Variants in LRP1B observed in about 807,000 individuals in gnomAD.
LRP1B encodes the protein LDL receptor related protein 1B, also known as low-density lipoprotein receptor-related protein 1B.
In LRP1B, 217 loss-of-function variants were observed where a neutral mutation model predicts 556.6. The ratio of observed to expected loss-of-function variants is 0.39; its 90% CI spans 0.35 to 0.44. The LOEUF (loss-of-function observed/expected upper bound fraction) is 0.44. Ranked by LOEUF, LRP1B falls within the 20% of genes least tolerant of loss-of-function variation. LRP1B has a pLI of 1.00. For missense variants in LRP1B, 5,053 were observed against 5,620.8 expected, an observed-to-expected ratio of 0.90 and a Z score of 3.23; for synonymous variants, 2,047 against 1,865.8, an observed-to-expected ratio of 1.10 and a Z score of -2.50.
At chr2:141,569,817 TTGAAGGACATGTGAGA>T (rs1686464570) in intron 2 of LRP1B, among the ~76,000 whole-genome samples, 1 of 151,226 alleles carries the variant, frequency 6.6e-6, no homozygotes, top group Non-Finnish European at 1.5e-5. Context: ...AAGGGCTACT[TTGAAGGACATGTGAGA>T]TGAAGGCACA....
At chr2:140,778,531 A>G (rs1689578952) in intron 32 of LRP1B, among the ~76,000 whole-genome samples, 1 of 152,134 alleles carries the variant, frequency 6.6e-6, no homozygotes, top group Admixed American at 6.6e-5. Flanking sequence ...CTACACTGGG[A>G]AGATATACAT....
chr2:141,123,284 T>C (rs1701114545), intron 7 of LRP1B, among the ~76,000 whole-genome samples: 5 of 151,452 alleles, frequency 3.3e-5, no homozygotes. Context: ...AAGTAAATCC[T>C]TAAAACAACA....
chr2:141,982,184 C>T (rs1040428160), intron 1 of LRP1B, among the ~76,000 whole-genome samples: 4 of 152,128 alleles, frequency 2.6e-5, no homozygotes, highest in Admixed American at 6.6e-5. Flanking sequence ...TACAGTTCTC[C>T]GTAGGTGGGT....
At chr2:140,805,003 A>G (rs568567676) in intron 32 of LRP1B, among the ~76,000 whole-genome samples, 2 of 152,170 alleles carry the variant, frequency 1.3e-5, no homozygotes, top group African/African-American at 4.8e-5. Flanking sequence ...ATGTTTGCTA[A>G]AGCCTTTCAA....
chr2:140,444,743 G>A (rs1241186842), intron 63 of LRP1B, 64 bp from the exon 64 acceptor site: 1 of 931,714 alleles, frequency 1.1e-6, no homozygotes, highest in Non-Finnish European at 1.7e-6. Context: ...TAAACATAGA[G>A]TTTCTGACAT....
intron 35 of LRP1B, among the ~76,000 whole-genome samples, chr2:140,745,913 A>G (rs1688298027): frequency 6.6e-6 from 1 of 152,202 alleles, no homozygotes. Flanking sequence ...ACAATATGGT[A>G]AGGCGGAAAG....
chr2:141,509,877 T>A (rs1684059589), intron 2 of LRP1B, among the ~76,000 whole-genome samples: 1 of 152,164 alleles, frequency 6.6e-6, no homozygotes, highest in South Asian at 2.1e-4. Context: ...GGAACTGCAC[T>A]GTATTAGACT....
At chr2:140,375,362 C>G (rs1161969152) in intron 68 of LRP1B, among the ~76,000 whole-genome samples, 1 of 152,038 alleles carries the variant, frequency 6.6e-6, no homozygotes, top group African/African-American at 2.4e-5. Context: ...TTTTCTCACA[C>G]TTAAAATTAG....
chr2:140,750,201 T>A lies in LRP1B; in HGVS notation c.5758+19012A>T, dbSNP rs145374082. Among the ~76,000 whole-genome samples the A allele has an allele frequency of 1.6e-4, 25 of 152,278 alleles. No individual in the cohort carries two copies. The East Asian group carries it at 3.3e-3, about 20-fold the overall frequency. On this transcript the variant is annotated intron_variant, in intron 35 of 90. Coordinates refer to ENST00000389484, the MANE Select transcript of LRP1B (RefSeq NM_018557.3). ...GTCCATCCTTGACCCTAATGCCTCA[T>A]CTAATACTGACTAGTGAATAAGAAT...
chr2:140,882,998 T>G (rs190807250), intron 25 of LRP1B, among the ~76,000 whole-genome samples: 44 of 152,314 alleles, frequency 2.9e-4, no homozygotes, highest in Middle Eastern at 3.4e-3. Flanking sequence ...CAAAGCATTC[T>G]CACCTATCAG....
chr2:140,335,512 T>C lies in LRP1B; in HGVS notation c.12116+103A>G, dbSNP rs1187730079. Reference sequence around the variant, plus strand: ...AAGGATATTTAAAAGCATGTGACACTATTACACATTGAACACTCATTACAG... The same window carrying C: ...AAGGATATTTAAAAGCATGTGACACCATTACACATTGAACACTCATTACAG... On this transcript the variant is annotated intron_variant, in intron 78 of 90. Transcript: ENST00000389484. The C allele has an allele frequency of 6.9e-6, 5 of 726,300 alleles. No individual in the cohort carries two copies. The East Asian group carries it at 7.5e-5, about 11-fold the overall frequency. 45.0% of individuals were successfully genotyped at this position (726,300 alleles called of 1,614,324 possible).
Position 141,700,544 on chromosome 2 carries a change from C to T in LRP1B, c.205+109735G>A, listed in dbSNP as rs186768645. Among the ~76,000 whole-genome samples, 331 of 151,808 alleles carry T rather than the reference C, an allele frequency of 2.2e-3. 1 individual carries two copies. The highest frequency in any genetic ancestry group is 7.7e-3 in the African/African-American group (321 of 41,484). The stretch of plus-strand genomic sequence containing the variant: ...AAATTATTATGTGCACACCTCTGGG[C>T]CTCAGAAAACAATAGCCCAAAGTGA... On this transcript the variant is annotated intron_variant, in intron 2 of 90. Transcript: ENST00000389484.
At chr2:140,763,468 C>A (rs1206616247) in intron 35 of LRP1B, among the ~76,000 whole-genome samples, 1 of 152,076 alleles carries the variant, frequency 6.6e-6, no homozygotes, top group Non-Finnish European at 1.5e-5. Context: ...CAAGATCTTT[C>A]CCTTTCCTGA....
At chr2:141,654,979 G>A (rs1689947898) in intron 2 of LRP1B, among the ~76,000 whole-genome samples, 1 of 152,052 alleles carries the variant, frequency 6.6e-6, no homozygotes, top group Non-Finnish European at 1.5e-5. Flanking sequence ...TTACTCTGTA[G>A]TTTTTGCAAT....
At chr2:141,342,820 C>T (rs912311790) in intron 3 of LRP1B, among the ~76,000 whole-genome samples, 1 of 152,126 alleles carries the variant, frequency 6.6e-6, no homozygotes, top group African/African-American at 2.4e-5. Flanking sequence ...TCCAGGAGAA[C>T]TTCCTCAACC....
intron 7 of LRP1B, among the ~76,000 whole-genome samples, chr2:141,080,793 C>T (rs1018939143): frequency 3.3e-5 from 5 of 152,246 alleles, no homozygotes; most frequent in Admixed American, 2.6e-4. Flanking sequence ...AACTGCAGTC[C>T]ACAGATATTA....
At chr2:141,008,022 G>A (rs1356610238) in intron 14 of LRP1B, among the ~76,000 whole-genome samples, 7 of 151,328 alleles carry the variant, frequency 4.6e-5, no homozygotes, top group South Asian at 4.2e-4. Context: ...GTGACCCAAC[G>A]TATTTTTGAA....
chr2:141,793,734 T>A (rs910134051), intron 2 of LRP1B, among the ~76,000 whole-genome samples: 2 of 151,950 alleles, frequency 1.3e-5, no homozygotes, highest in Non-Finnish European at 2.9e-5. Context: ...TAAGAAACTT[T>A]AAATTCTTCA....
At chr2:141,698,052 A>C (rs1267715155) in intron 2 of LRP1B, among the ~76,000 whole-genome samples, 1 of 151,984 alleles carries the variant, frequency 6.6e-6, no homozygotes, top group Non-Finnish European at 1.5e-5. Flanking sequence ...ATCTCTTGGA[A>C]GGACAGTTGC....
Sources: gnomAD v4.1 joint callset for allele counts (sites outside exome capture counted in the v4.1 genomes callset) on GRCh38, gnomAD v4.1.1 for gene constraint, MANE v1.5 for transcripts, NCBI Gene and HGNC (gene_info 2026-07-23, HGNC 2026-07-21) for gene names.